DACH1: variants seen among roughly 807,000 people sequenced by gnomAD.
DACH1 encodes dachshund family transcription factor 1.
A neutral mutation model predicts 54.2 loss-of-function variants in DACH1; 12 were observed. That is an observed-to-expected ratio of 0.22 (90% CI 0.14 to 0.36). DACH1 has a LOEUF of 0.36. Ranked by LOEUF, DACH1 falls within the 10% of genes least tolerant of loss-of-function variation. DACH1 has a pLI of 1.00. For missense variants in DACH1, 805 were observed against 929.8 expected (o/e 0.87, Z 1.75); for synonymous variants, 386 against 366.2 (o/e 1.05, Z -0.62).
At chr13:71,773,903 T>C (rs572846492) in intron 1 of DACH1, among the ~76,000 whole-genome samples, 2 of 152,116 alleles carry the variant, frequency 1.3e-5, no homozygotes, top group South Asian at 4.1e-4. Flanking sequence ...CTATGCATGT[T>C]TATCTTTAAG....
At chr13:71,546,044 A>C (rs1883444680) in intron 6 of DACH1, among the ~76,000 whole-genome samples, 1 of 152,108 alleles carries the variant, frequency 6.6e-6, no homozygotes, top group Non-Finnish European at 1.5e-5. Flanking sequence ...CCCTTTAGGT[A>C]GTGATCCAGT....
intron 1 of DACH1, among the ~76,000 whole-genome samples, chr13:71,712,438 G>A (rs547028908): frequency 6.6e-6 from 1 of 152,182 alleles, no homozygotes; most frequent in South Asian, 2.1e-4. Context: ...TGCTTTAGCT[G>A]TAATATTTTA....
chr13:71,461,739 C>A (rs1302492368), intron 10 of DACH1, among the ~76,000 whole-genome samples: 1 of 151,868 alleles, frequency 6.6e-6, no homozygotes, highest in Non-Finnish European at 1.5e-5. Context: ...TTGTATATAA[C>A]TTCTCTGGAG....
intron 6 of DACH1, among the ~76,000 whole-genome samples, chr13:71,550,018 G>A (rs1883707920): frequency 6.6e-6 from 1 of 152,100 alleles, no homozygotes; most frequent in South Asian, 2.1e-4. Context: ...CTCCAAAACT[G>A]TACACATTAC....
At chr13:71,849,238 T>A (rs1421776291) in intron 1 of DACH1, among the ~76,000 whole-genome samples, 1 of 152,200 alleles carries the variant, frequency 6.6e-6, no homozygotes, top group Non-Finnish European at 1.5e-5. Flanking sequence ...AAGTGTGAAC[T>A]GGAGGAGATG....
intron 1 of DACH1, among the ~76,000 whole-genome samples, chr13:71,840,727 G>A (rs1566535921): frequency 6.6e-6 from 1 of 152,178 alleles, no homozygotes; most frequent in East Asian, 1.9e-4. Context: ...AATAAAAATA[G>A]AGCAAGGCAG....
intron 1 of DACH1, among the ~76,000 whole-genome samples, chr13:71,849,207 T>A (rs1873496236): frequency 6.6e-6 from 1 of 152,198 alleles, no homozygotes; most frequent in Non-Finnish European, 1.5e-5. Flanking sequence ...AGAATTAAAT[T>A]TTCTTGCTAC....
chr13:71,649,478 G>A (rs1055456636), intron 2 of DACH1, among the ~76,000 whole-genome samples: 8 of 151,966 alleles, frequency 5.3e-5, no homozygotes, highest in Non-Finnish European at 7.4e-5. Flanking sequence ...ATGTTGTAGC[G>A]GATATAAAAA....
At position 71,728,399 on chromosome 13, in the gene DACH1, T is replaced by C. The variant is rs1883576360; in HGVS notation, c.849-46489A>G. On this transcript the variant is annotated intron_variant, in intron 1 of 10. Coordinates refer to ENST00000613252, the MANE Select transcript of DACH1 (RefSeq NM_080759.6). ...ATTACCAAAGACACCTTTTGGTTGA[T>C]TTTGCTCCCGAAGAGTCTAAAGAAA... is the stretch of plus-strand genomic sequence containing the variant. Among the ~76,000 whole-genome samples the C allele has an allele frequency of 1.3e-5, 2 of 151,970 alleles. 1 individual carries two copies. Among genetic ancestry groups the C allele is most frequent in the African/African-American group, 4.8e-5 (2 of 41,430 alleles).
chr13:71,845,778 C>T (rs1316509250), intron 1 of DACH1, among the ~76,000 whole-genome samples: 1 of 152,174 alleles, frequency 6.6e-6, no homozygotes, highest in Non-Finnish European at 1.5e-5. Context: ...CTGAGGACCA[C>T]TATCTGAAGA....
chr13:71,861,061 T>A (rs1447825210), intron 1 of DACH1, among the ~76,000 whole-genome samples: 1 of 151,668 alleles, frequency 6.6e-6, no homozygotes, highest in Non-Finnish European at 1.5e-5. Flanking sequence ...GGGGATGCAG[T>A]GAGGCAAAAA....
intron 1 of DACH1, among the ~76,000 whole-genome samples, chr13:71,693,238 C>T (rs896531509): frequency 6.0e-5 from 9 of 150,406 alleles, no homozygotes; most frequent in Non-Finnish European, 1.2e-4. Flanking sequence ...AGTCCACATA[C>T]ACACACACAT....
At chr13:71,751,021 G>A (rs1411500933) in intron 1 of DACH1, among the ~76,000 whole-genome samples, 2 of 152,158 alleles carry the variant, frequency 1.3e-5, no homozygotes, top group African/African-American at 4.8e-5. Flanking sequence ...AGTCAGGAGA[G>A]GCTTCAGTTT....
At chr13:71,574,907 A>G (rs969269901) in intron 3 of DACH1, among the ~76,000 whole-genome samples, 1 of 151,990 alleles carries the variant, frequency 6.6e-6, no homozygotes, top group African/African-American at 2.4e-5. Flanking sequence ...TATACACCTT[A>G]CTTCTGTTCT....
chr13:71,592,485 A>C (rs1403352714), intron 3 of DACH1, among the ~76,000 whole-genome samples: 1 of 134,884 alleles, frequency 7.4e-6, no homozygotes, highest in East Asian at 2.1e-4. Context: ...ACATAGCAAG[A>C]CTCTATCTCA....
chr13:71,627,947 C>T (rs886606096), intron 3 of DACH1, among the ~76,000 whole-genome samples: 2 of 151,984 alleles, frequency 1.3e-5, no homozygotes, highest in African/African-American at 4.8e-5. Flanking sequence ...ATAATAATAG[C>T]AAAAGCAATC....
intron 6 of DACH1, among the ~76,000 whole-genome samples, chr13:71,524,028 G>A (rs901392930): frequency 1.3e-5 from 2 of 152,164 alleles, no homozygotes; most frequent in East Asian, 3.9e-4. Flanking sequence ...AAAAATGTTC[G>A]TATTTACTTC....
intron 1 of DACH1, among the ~76,000 whole-genome samples, chr13:71,838,390 G>T (rs1888880074): frequency 6.6e-6 from 1 of 152,148 alleles, no homozygotes; most frequent in African/African-American, 2.4e-5. Flanking sequence ...CATTGGTTTT[G>T]ATTATAAGTG....
intron 1 of DACH1, among the ~76,000 whole-genome samples, chr13:71,844,289 T>G (rs996773255): frequency 2.6e-5 from 4 of 152,122 alleles, no homozygotes; most frequent in African/African-American, 7.2e-5. Context: ...AGGTCGTGCA[T>G]AAATAGTACA....
Sources: gnomAD v4.1 joint callset for allele counts (sites outside exome capture counted in the v4.1 genomes callset) on GRCh38, gnomAD v4.1.1 for gene constraint, MANE v1.5 for transcripts, NCBI Gene and HGNC (gene_info 2026-07-23, HGNC 2026-07-21) for gene names.